The following TARBP1 variants were observed in gnomAD, a reference collection of about 807,000 sequenced individuals.
TARBP1 encodes tRNA (guanosine(18)-2'-O)-methyltransferase TARBP1.
A neutral mutation model predicts 178.6 loss-of-function variants in TARBP1; 144 were observed. The ratio of observed to expected loss-of-function variants is 0.81; its 90% CI spans 0.70 to 0.93. The LOEUF (loss-of-function observed/expected upper bound fraction) is 0.93. Ranked by LOEUF, TARBP1 falls within the 40% of genes least tolerant of loss-of-function variation. The probability of loss-of-function intolerance (pLI) is 0.00; values close to 1 mark genes in which losing one functional copy is unlikely to be tolerated. For synonymous variants in TARBP1, 787 were observed against 781.0 expected (o/e 1.01, Z -0.13); for missense variants, 2,067 against 2,011.7 (o/e 1.03, Z -0.53).
At chr1:234,418,054 A>T in intron 22 of TARBP1, 30 bp downstream of exon 22, 2 of 1,181,934 alleles carry the variant, frequency 1.7e-6, no homozygotes, top group South Asian at 4.0e-5. Flanking sequence ...GTCTTAGTTT[A>T]AAAATATATA....
chr1:234,468,843 CTT>C (rs1668730055), intron 3 of TARBP1, among the ~76,000 whole-genome samples: 3 of 151,830 alleles, frequency 2.0e-5, no homozygotes, highest in Admixed American at 2.0e-4. Context: ...AGCCTGGACT[CTT>C]AGCTTAGATG....
rs1358334886 is a variant in TARBP1, at chr1:234,433,435, T to C, written c.2369A>G (p.His790Arg). ...CTGTCCACTGTCCATCTCTTGAAGA[T>C]GCTGAATGGATGCATTTTTCAAAAG... ...ISLLKNASIQ[H>R]LQEMDSGQEP... Residue 790 changes from histidine to arginine, a missense_variant, in exon 14 of 30, where the codon CAT (histidine) becomes CGT (arginine). Transcript: ENST00000040877. 1.2e-6 allele frequency: 2 copies of C among 1,614,060 alleles called. No individual in the cohort carries two copies. The highest frequency in any genetic ancestry group is 1.7e-6 in the Non-Finnish European group (2 of 1,180,008).
chr1:234,469,974 G>A (rs1185860745), intron 3 of TARBP1, among the ~76,000 whole-genome samples: 1 of 152,208 alleles, frequency 6.6e-6, no homozygotes, highest in Non-Finnish European at 1.5e-5. Context: ...TCATACCAAA[G>A]AGTGATTATT....
chr1:234,394,581 G>A (rs897527118), intron 26 of TARBP1, among the ~76,000 whole-genome samples: 3 of 152,236 alleles, frequency 2.0e-5, no homozygotes, highest in Non-Finnish European at 2.9e-5. Flanking sequence ...GGTTACTAAT[G>A]TCTAGGGGAG....
Position 234,392,472 on chromosome 1 carries a change from G to A in TARBP1, c.4641C>T (p.Ala1547=), listed in dbSNP as rs777107790. 1 of 1,614,140 alleles carries A rather than the reference G, an allele frequency of 6.2e-7. No individual in the cohort carries two copies. ...AATATTGGGTTAGGTCTAAACTTTTGGCAGTTTGTTCCACTCCAATGATGG... is the reference window on the plus strand; with the variant it reads ...AATATTGGGTTAGGTCTAAACTTTTAGCAGTTTGTTCCACTCCAATGATGG... ...GYTIIGVEQT[A]KSLDLTQYCF... Residue 1547 remains alanine (A), a synonymous_variant, in exon 29 of 30, where the codon GCC becomes GCT. Coordinates refer to ENST00000040877, the MANE Select transcript of TARBP1 (RefSeq NM_005646.4).
chr1:234,433,493 T>C lies in TARBP1; in HGVS notation c.2311A>G (p.Lys771Glu), dbSNP rs1664688723. ...ACTCTCCAGATAGGGTTACCCCTTT[T>C]CCACCCAACCTTCAAATGCAGATTT... is the stretch of plus-strand genomic sequence containing the variant. ...LINLHLKVGW[K>E]RGNPIWRVIS... Residue 771 changes from lysine to glutamate, a missense_variant, in exon 14 of 30, where the codon AAA (lysine) becomes GAA (glutamate). Coordinates refer to ENST00000040877, the MANE Select transcript of TARBP1 (RefSeq NM_005646.4). The C allele has an allele frequency of 1.2e-6, 2 of 1,614,004 alleles. No homozygotes were observed. The highest frequency in any genetic ancestry group is 2.7e-5 in the African/African-American group (2 of 74,920).
Position 234,429,479 on chromosome 1 carries a change from GA to G in TARBP1, c.2807del (p.Leu936ProfsTer16), listed in dbSNP as rs1369008473. 1 of 1,614,200 alleles carries G rather than the reference GA, an allele frequency of 6.2e-7. No individual in the cohort carries two copies. Among genetic ancestry groups the G allele is most frequent in the South Asian group, 1.1e-5 (1 of 91,074 alleles). ...IRTLQSALEA[L>X]TVLSSDQVLP... ...AAACTTGATCAGAAGAAAGAACTGT[GA>G]GGGCTTCTAGTGCAGACTGCAAAGT... On this transcript the variant is annotated frameshift_variant, in exon 16 of 30. Transcript: ENST00000040877. LOFTEE classifies it high-confidence loss of function.
intron 22 of TARBP1, among the ~76,000 whole-genome samples, chr1:234,414,315 A>G (rs1233167973): frequency 6.6e-6 from 1 of 152,200 alleles, no homozygotes; most frequent in African/African-American, 2.4e-5. Flanking sequence ...TGTGGCATAC[A>G]AATACTAATG....
chr1:234,453,194 G>A (rs1161648759), intron 9 of TARBP1, among the ~76,000 whole-genome samples: 1 of 152,094 alleles, frequency 6.6e-6, no homozygotes, highest in Non-Finnish European at 1.5e-5. Context: ...GTTCATAATA[G>A]TAATCAATAT....
chr1:234,439,464 A>T (rs926172241), intron 12 of TARBP1, among the ~76,000 whole-genome samples: 1 of 152,124 alleles, frequency 6.6e-6, no homozygotes, highest in Admixed American at 6.5e-5. Flanking sequence ...CACACACACA[A>T]AAAAAGGCTG....
In TARBP1 at chr1:234,418,105, C is replaced by A; in HGVS notation, c.3684G>T (p.Lys1228Asn). 1 of 1,417,638 alleles carries A rather than the reference C, an allele frequency of 7.1e-7. No individual in the cohort carries two copies. The highest frequency in any genetic ancestry group is 9.4e-7 in the Non-Finnish European group (1 of 1,062,508). 87.8% of individuals were successfully genotyped at this position (1,417,638 alleles called of 1,614,324 possible). A position where few individuals can be genotyped will look rare whatever the true frequency, so the allele number is the denominator to read the frequency against. ...ILHKFPQFLP[K>N]FWDCFSYGEE... The stretch of plus-strand genomic sequence containing the variant: ...TTACATAAGAAAAACAATCCCAGAA[C>A]TTTGGAAGAAATTGAGGGAATTTAT... The change falls in exon 22 of 30, where the codon AAG (lysine) becomes AAT (asparagine). Residue 1228 changes from lysine (K) to asparagine (N), a missense_variant. Physicochemically the swap from Lys to Asn is moderately conservative, Grantham distance 94 (BLOSUM62 0). Transcript: ENST00000040877.
rs1056484538 is a variant in TARBP1 at position 234,430,240 on chromosome 1, C to T, written c.2456G>A (p.Cys819Tyr). The T allele has an allele frequency of 3.7e-6, 6 of 1,614,160 alleles. No individual in the cohort carries two copies. The highest frequency in any genetic ancestry group is 5.1e-6 in the Non-Finnish European group (6 of 1,180,024). The change falls in exon 15 of 30, where the codon TGT becomes TAT. Residue 819 changes from cysteine to tyrosine, a missense_variant. Transcript: ENST00000040877. ...VVSMAALAMV[C>Y]EAIDQKPELQ... ...CTCAGGCTTCTGGTCTATGGCCTCA[C>T]ACACCATGGCCAAGGCAGCCATGCT...
intron 25 of TARBP1, among the ~76,000 whole-genome samples, chr1:234,399,514 G>A (rs572802481): frequency 1.3e-5 from 2 of 152,262 alleles, no homozygotes; most frequent in South Asian, 2.1e-4. Flanking sequence ...AATACCATTT[G>A]ACCCAGCCAT....
At chr1:234,433,994 A>G (rs1477813335) in intron 13 of TARBP1, among the ~76,000 whole-genome samples, 1 of 152,206 alleles carries the variant, frequency 6.6e-6, no homozygotes, top group Non-Finnish European at 1.5e-5. Context: ...TAAGACAACT[A>G]AGTTTCAGAG....
Position 234,476,367 on chromosome 1 carries a change from T to G in TARBP1, c.931+1806A>C, listed in dbSNP as rs185869365. 5.3e-4 allele frequency among the ~76,000 whole-genome samples: 81 copies of G among 152,238 alleles called. 1 individual carries two copies. The highest frequency in any genetic ancestry group is 1.9e-3 in the African/African-American group (77 of 41,542). On this transcript the variant is annotated intron_variant, in intron 1 of 29. Transcript: ENST00000040877. Reference sequence around the variant, plus strand: ...AAGCAAAAAAGAGGAAGATATGAACTACAGGAAATGAGACTCAACAGAACA... The same window carrying G: ...AAGCAAAAAAGAGGAAGATATGAACGACAGGAAATGAGACTCAACAGAACA...
At chr1:234,399,165 T>G (rs561200006) in intron 25 of TARBP1, among the ~76,000 whole-genome samples, 14 of 152,312 alleles carry the variant, frequency 9.2e-5, no homozygotes, top group Middle Eastern at 3.4e-3. Flanking sequence ...GCAATCCTCC[T>G]TTGCTTTTCT....
intron 12 of TARBP1, among the ~76,000 whole-genome samples, chr1:234,442,608 CTT>C (rs956199929): frequency 2.6e-5 from 4 of 152,178 alleles, no homozygotes; most frequent in African/African-American, 7.2e-5. Flanking sequence ...ACAGAATACT[CTT>C]GTCTTGCATA....
rs1377820087 is a variant in TARBP1, at chr1:234,478,430, C to T, written c.674G>A (p.Arg225His). The change falls in exon 1 of 30, where the codon CGC becomes CAC. Residue 225 changes from arginine to histidine, a missense_variant. By Grantham distance (29) the Arg-to-His change is conservative. Transcript: ENST00000040877. ...AAPGASLGSGRVEEKLLVLSA... is the reference protein window; with the variant it reads ...AAPGASLGSGHVEEKLLVLSA... ...CAGGACCAGCAGCTTCTCCTCTACG[C>T]GGCCGGACCCCAGGGACGCCCCAGG... is the stretch of plus-strand genomic sequence containing the variant. The T allele has an allele frequency of 7.2e-7, 1 of 1,387,454 alleles. No individual in the cohort carries two copies. 85.9% of individuals were successfully genotyped at this position (1,387,454 alleles called of 1,614,324 possible). A position where few individuals can be genotyped will look rare whatever the true frequency, so the allele number is the denominator to read the frequency against.
intron 12 of TARBP1, among the ~76,000 whole-genome samples, chr1:234,440,029 C>A (rs1044577170): frequency 6.6e-6 from 1 of 152,090 alleles, no homozygotes; most frequent in Admixed American, 6.6e-5. Context: ...AAACTGAAAT[C>A]ATATGATATA....
Sources: gnomAD v4.1 joint callset for allele counts (sites outside exome capture counted in the v4.1 genomes callset) on GRCh38, gnomAD v4.1.1 for gene constraint, MANE v1.5 for transcripts, NCBI Gene and HGNC (gene_info 2026-07-23, HGNC 2026-07-21) for gene names.